Variants in SETBP1 observed in about 807,000 individuals in gnomAD.
The protein encoded by SETBP1 is SET binding protein 1.
A neutral mutation model predicts 101.0 loss-of-function variants in SETBP1; 9 were observed. That is an observed-to-expected ratio of 0.09 (90% CI 0.05 to 0.16). The LOEUF (loss-of-function observed/expected upper bound fraction) is 0.16, where lower values mean the gene tolerates loss of function less well. Ranked by LOEUF, SETBP1 falls within the 10% of genes least tolerant of loss-of-function variation. The pLI, the probability that SETBP1 is intolerant of heterozygous loss-of-function variation, is 1.00. For synonymous variants in SETBP1, 818 were observed against 788.5 expected, an observed-to-expected ratio of 1.04 and a Z score of -0.63; for missense variants, 1,858 against 2,033.8, an observed-to-expected ratio of 0.91 and a Z score of 1.66.
At chr18:44,766,842 T>G (rs1225179691) in intron 2 of SETBP1, among the ~76,000 whole-genome samples, 1 of 152,194 alleles carries the variant, frequency 6.6e-6, no homozygotes, top group Admixed American at 6.5e-5. Context: ...AATTTTATCT[T>G]ATGTGTATTT....
intron 4 of SETBP1, among the ~76,000 whole-genome samples, chr18:44,992,857 AAAG>A (rs1404459276): frequency 2.6e-5 from 4 of 152,040 alleles, no homozygotes; most frequent in South Asian, 2.1e-4. Flanking sequence ...GAATGAGAAA[AAAG>A]AAATAATAGT....
chr18:45,011,136 A>C (rs1260560142), intron 4 of SETBP1, among the ~76,000 whole-genome samples: 1 of 152,234 alleles, frequency 6.6e-6, no homozygotes, highest in Non-Finnish European at 1.5e-5. Context: ...GTGAAAACAT[A>C]AATCACAAAT....
chr18:44,946,287 G>T (rs977061099), intron 3 of SETBP1, among the ~76,000 whole-genome samples: 1 of 152,164 alleles, frequency 6.6e-6, no homozygotes, highest in African/African-American at 2.4e-5. Flanking sequence ...GGAACAATGG[G>T]ATCAGGCAGT....
rs1196606082 is a variant in SETBP1 at position 44,989,879 on chromosome 18, AAAAAAAAAAAAAAAAAAAAAAAAAAAAAT to A, written c.4000+36540_4000+36568del. On this transcript the variant is annotated intron_variant, in intron 4 of 5. Transcript: ENST00000649279. Reference sequence around the variant, plus strand: ...GCGAGACTCCGTCTCAAAAAAAAAAAAAAAAAAAAAAAAAAAAAAAAAAAAAAATTTATCTAAGTGGACACACTGTAATC... The same window carrying A: ...GCGAGACTCCGTCTCAAAAAAAAAAATTATCTAAGTGGACACACTGTAATC... Among the ~76,000 whole-genome samples the A allele has an allele frequency of 8.7e-3, 1,058 of 121,574 alleles. 29 individuals are homozygous for A. The highest frequency in any genetic ancestry group is 0.039 in the African/African-American group (1,001 of 25,442). The allele number at this position is 121,574 out of a possible 152,430, so 79.8% of individuals were successfully genotyped here.
chr18:44,684,698 G>C (rs896406322), intron 1 of SETBP1, among the ~76,000 whole-genome samples: 1 of 151,682 alleles, frequency 6.6e-6, no homozygotes, highest in Non-Finnish European at 1.5e-5. Context: ...CCAGGCTGGA[G>C]TGCAGTGGCG....
intron 2 of SETBP1, among the ~76,000 whole-genome samples, chr18:44,794,604 C>T (rs535648210): frequency 1.3e-5 from 2 of 152,208 alleles, no homozygotes; most frequent in East Asian, 3.9e-4. Context: ...AGGAAAGTAA[C>T]CTGCTGGGAA....
intron 2 of SETBP1, among the ~76,000 whole-genome samples, chr18:44,753,458 C>T (rs543800587): frequency 1.3e-5 from 2 of 152,326 alleles, no homozygotes; most frequent in South Asian, 4.1e-4. Context: ...AATGCCTTTG[C>T]CTAACCTTTG....
At chr18:44,928,894 G>C (rs2144976875) in intron 3 of SETBP1, among the ~76,000 whole-genome samples, 1 of 152,290 alleles carries the variant, frequency 6.6e-6, no homozygotes, top group African/African-American at 2.4e-5. Context: ...TGTTCACTCT[G>C]ATGGTAGTTT....
intron 4 of SETBP1, among the ~76,000 whole-genome samples, chr18:44,962,765 A>G (rs1817689758): frequency 1.3e-5 from 2 of 152,224 alleles, no homozygotes; most frequent in African/African-American, 4.8e-5. Context: ...TGAGGTCAAC[A>G]GAGTAGAGCA....
In SETBP1 at chr18:44,819,707, G is replaced by T. The variant is rs151066367; in HGVS notation, c.487-49523G>T. Among the ~76,000 whole-genome samples the T allele has an allele frequency of 2.2e-3, 339 of 152,192 alleles. 1 individual carries two copies. The highest frequency in any genetic ancestry group is 3.9e-3 in the Non-Finnish European group (262 of 68,008). ...AAGTGTAATTGTGTGCCCCCACTGAGATCACACATGGCTTGACTATCTTGG... is the reference window on the plus strand; with the variant it reads ...AAGTGTAATTGTGTGCCCCCACTGATATCACACATGGCTTGACTATCTTGG... On this transcript the variant is annotated intron_variant, in intron 2 of 5. Transcript: ENST00000649279.
chr18:45,015,009 G>A (rs949001708), intron 4 of SETBP1, among the ~76,000 whole-genome samples: 6 of 152,124 alleles, frequency 3.9e-5, no homozygotes, highest in Non-Finnish European at 7.4e-5. Flanking sequence ...TGCCTGCTCC[G>A]GACTCTCTGC....
At chr18:44,921,718 A>C (rs2070584210) in intron 3 of SETBP1, among the ~76,000 whole-genome samples, 1 of 152,148 alleles carries the variant, frequency 6.6e-6, no homozygotes, top group African/African-American at 2.4e-5. Flanking sequence ...AAGTAACTGT[A>C]CTGTAAGCCT....
At chr18:44,948,913 A>G (rs1167463329) in intron 3 of SETBP1, among the ~76,000 whole-genome samples, 1 of 152,228 alleles carries the variant, frequency 6.6e-6, no homozygotes, top group Non-Finnish European at 1.5e-5. Flanking sequence ...AAGATTCTGG[A>G]GACATTCCTT....
At chr18:44,795,574 A>G (rs1234907273) in intron 2 of SETBP1, among the ~76,000 whole-genome samples, 1 of 152,156 alleles carries the variant, frequency 6.6e-6, no homozygotes, top group Non-Finnish European at 1.5e-5. Context: ...TCTGATGAAA[A>G]CCTGAAGAAT....
intron 4 of SETBP1, among the ~76,000 whole-genome samples, chr18:44,983,975 A>C (rs2072172019): frequency 6.6e-6 from 1 of 152,202 alleles, no homozygotes; most frequent in Non-Finnish European, 1.5e-5. Flanking sequence ...AGGCTGAGGC[A>C]GGTGGATCAC....
At chr18:44,995,135 CTTTT>C (rs58617770) in intron 4 of SETBP1, among the ~76,000 whole-genome samples, 367 of 94,986 alleles carry the variant, frequency 3.9e-3, no homozygotes, top group African/African-American at 0.013. Flanking sequence ...ATGTTATTTA[CTTTT>C]TTTTTTTTTT....
At chr18:44,978,123 GA>G (rs1390644911) in intron 4 of SETBP1, among the ~76,000 whole-genome samples, 1 of 152,002 alleles carries the variant, frequency 6.6e-6, no homozygotes, top group African/African-American at 2.4e-5. Context: ...GAAGAGCAAG[GA>G]AAAAACATAG....
At chr18:44,944,135 G>A (rs57039145) in intron 3 of SETBP1, among the ~76,000 whole-genome samples, 45,842 of 151,934 alleles carry the variant, frequency 0.3, 7,035 homozygotes, top group South Asian at 0.44. Flanking sequence ...CGCCTGGCCT[G>A]TCTGGTCCTT....
intron 5 of SETBP1, among the ~76,000 whole-genome samples, chr18:45,053,095 A>G (rs1260383238): frequency 6.6e-6 from 1 of 152,188 alleles, no homozygotes; most frequent in Admixed American, 6.5e-5. Flanking sequence ...TTGAGCCTCC[A>G]TTTAACATGA....
Sources: gnomAD v4.1 joint callset for allele counts (sites outside exome capture counted in the v4.1 genomes callset) on GRCh38, gnomAD v4.1.1 for gene constraint, MANE v1.5 for transcripts, NCBI Gene and HGNC (gene_info 2026-07-23, HGNC 2026-07-21) for gene names.